KBTBD12: variants seen among roughly 807,000 people sequenced by gnomAD.
The protein encoded by KBTBD12 is kelch repeat and BTB domain-containing protein 12.
A neutral mutation model predicts 58.7 loss-of-function variants in KBTBD12; 53 were observed. The observed-to-expected ratio is 0.90, with a 90% CI of 0.72 to 1.14. The LOEUF (loss-of-function observed/expected upper bound fraction) is 1.14. KBTBD12 is among the 50% of genes most tolerant of loss of function. The probability of loss-of-function intolerance (pLI) is 0.00; values close to 1 mark genes in which losing one functional copy is unlikely to be tolerated. For synonymous variants in KBTBD12, 236 were observed against 259.8 expected (o/e 0.91, Z 0.88); for missense variants, 704 against 751.3 (o/e 0.94, Z 0.74).
In KBTBD12 at chr3:127,936,098, G is replaced by A. The variant is rs535759325; in HGVS notation, c.1492+5815G>A. Among the ~76,000 whole-genome samples, 4 of 152,306 alleles carry A rather than the reference G, an allele frequency of 2.6e-5. No individual in the cohort carries two copies. The East Asian group carries it at 7.7e-4, about 29-fold the overall frequency. On this transcript the variant is annotated intron_variant, in intron 4 of 5. Transcript: ENST00000405109. ...ACCTGAGATGAGGCTGGGCATGGTG[G>A]CTCATGCCTGTAATCTCAGCACTTT...
intron 4 of KBTBD12, among the ~76,000 whole-genome samples, chr3:127,941,594 T>C (rs1939951132): frequency 6.6e-6 from 1 of 152,190 alleles, no homozygotes; most frequent in Non-Finnish European, 1.5e-5. Flanking sequence ...TTTTTATTAT[T>C]TTTATTTTTT....
At chr3:127,959,350 T>C (rs1940384575) in intron 4 of KBTBD12, among the ~76,000 whole-genome samples, 2 of 152,218 alleles carry the variant, frequency 1.3e-5, no homozygotes, top group Non-Finnish European at 2.9e-5. Flanking sequence ...CTCTAAGTCA[T>C]GTCAGGGAGC....
chr3:127,923,372 T>C lies in KBTBD12; in HGVS notation c.311T>C (p.Val104Ala). ...LEINNANVQT[V>A]AMAAYFMQME... ...ATCAATAATGCCAATGTACAGACTG[T>C]AGCTATGGCTGCCTATTTTATGCAG... Residue 104 changes from valine (V) to alanine (A), a missense_variant, in exon 2 of 6, where the codon GTA (valine) becomes GCA (alanine). Coordinates refer to ENST00000405109, the MANE Select transcript of KBTBD12 (RefSeq NM_207335.4). 2 of 1,613,794 alleles carry C rather than the reference T, an allele frequency of 1.2e-6. No individual in the cohort carries two copies. Among genetic ancestry groups the C allele is most frequent in the Middle Eastern group, 1.6e-4 (1 of 6,062 alleles).
intron 4 of KBTBD12, among the ~76,000 whole-genome samples, chr3:127,946,888 C>T (rs749400253): frequency 1.7e-4 from 26 of 152,098 alleles, no homozygotes; most frequent in Non-Finnish European, 2.5e-4. Context: ...TCCTGTCTTC[C>T]GTTGTATTCA....
rs372087496 is a variant in KBTBD12 at position 127,923,449 on chromosome 3, G to A, written c.388G>A (p.Ala130Thr). 12 of 1,611,578 alleles carry A rather than the reference G, an allele frequency of 7.4e-6. No individual in the cohort carries two copies. In the South Asian group the frequency reaches 7.7e-5, roughly 10 times the overall value. ...CQKYMMDHMD[A>T]SNCLGIYYFA... ...AAAATATATGATGGACCACATGGAT[G>A]CCTCCAACTGTTTAGGTATCTATTA... The change falls in exon 2 of 6, where the codon GCC (alanine) becomes ACC (threonine). Residue 130 changes from alanine (A) to threonine (T), a missense_variant. Coordinates refer to ENST00000405109, the MANE Select transcript of KBTBD12 (RefSeq NM_207335.4).
At chr3:127,955,001 CGTT>C (rs1311409798) in intron 4 of KBTBD12, among the ~76,000 whole-genome samples, 1 of 152,178 alleles carries the variant, frequency 6.6e-6, no homozygotes, top group Non-Finnish European at 1.5e-5. Context: ...AGGCACAAGA[CGTT>C]GTTTTACTCA....
At chr3:127,949,406 A>G (rs927223508) in intron 4 of KBTBD12, among the ~76,000 whole-genome samples, 1 of 152,228 alleles carries the variant, frequency 6.6e-6, no homozygotes, top group South Asian at 2.1e-4. Context: ...TTTGGAATTC[A>G]TAATTTATCT....
intron 4 of KBTBD12, among the ~76,000 whole-genome samples, chr3:127,954,903 G>A (rs1940288804): frequency 6.6e-6 from 1 of 152,132 alleles, no homozygotes; most frequent in Non-Finnish European, 1.5e-5. Flanking sequence ...CCATCTCCTT[G>A]TAGTGGTTTA....
chr3:127,979,079 T>C (rs1940833471), intron 5 of KBTBD12, among the ~76,000 whole-genome samples: 1 of 152,232 alleles, frequency 6.6e-6, no homozygotes, highest in South Asian at 2.1e-4. Context: ...GCGGCCTACC[T>C]AACTGGGTCA....
At chr3:127,968,456 T>G (rs1940621384) in intron 5 of KBTBD12, among the ~76,000 whole-genome samples, 1 of 152,208 alleles carries the variant, frequency 6.6e-6, no homozygotes, top group African/African-American at 2.4e-5. Flanking sequence ...GCAAAGACAT[T>G]GCAAGAAAAC....
chr3:127,915,268 A>G lies in KBTBD12; in HGVS notation c.-431A>G, dbSNP rs919132721. 7 of 152,160 alleles carry G rather than the reference A, an allele frequency of 4.6e-5. 1 individual carries two copies. In the East Asian group the frequency reaches 1.4e-3, roughly 29 times the overall value. 9.4% of individuals were successfully genotyped at this position (152,160 alleles called of 1,614,324 possible). On this transcript the variant is annotated 5_prime_UTR_variant, in exon 1 of 6. Coordinates refer to ENST00000405109, the MANE Select transcript of KBTBD12 (RefSeq NM_207335.4). The stretch of plus-strand genomic sequence containing the variant: ...GGACGCGCGCGGGGAGACCCTGTGC[A>G]GCGACACCGGGGCTGTAGTCGCCGT...
intron 4 of KBTBD12, among the ~76,000 whole-genome samples, chr3:127,956,011 G>A (rs1477337104): frequency 2.0e-5 from 3 of 152,192 alleles, no homozygotes; most frequent in African/African-American, 7.2e-5. Flanking sequence ...GATGAACAAG[G>A]AAAGAAATGC....
intron 5 of KBTBD12, among the ~76,000 whole-genome samples, chr3:127,983,820 C>T (rs1016188169): frequency 6.6e-6 from 1 of 152,120 alleles, no homozygotes; most frequent in Non-Finnish European, 1.5e-5. Flanking sequence ...GACCTCTTTG[C>T]AAATGCCCAC....
At chr3:127,945,958 C>T (rs1940072687) in intron 4 of KBTBD12, among the ~76,000 whole-genome samples, 1 of 152,088 alleles carries the variant, frequency 6.6e-6, no homozygotes, top group East Asian at 1.9e-4. Context: ...GGATTACAGG[C>T]GTGAGCCACC....
chr3:127,945,164 CTTTTTTTTTTTTTTTTTTTTTTT>C (rs56216317), intron 4 of KBTBD12, among the ~76,000 whole-genome samples: 1 of 28,780 alleles, frequency 3.5e-5, no homozygotes, highest in African/African-American at 1.2e-4. Context: ...TAGTAGCTAT[CTTTTTTTTTTTTTTTTTTTTTTT>C]TTTTTTTTTT....
At chr3:127,920,830 T>C (rs188170086) in intron 1 of KBTBD12, among the ~76,000 whole-genome samples, 1 of 152,194 alleles carries the variant, frequency 6.6e-6, no homozygotes, top group African/African-American at 2.4e-5. Context: ...ACTCCATTTT[T>C]CTCTATTACT....
At chr3:127,930,017 C>A in intron 3 of KBTBD12, 116 bp from the exon 4 acceptor site, 1 of 837,124 alleles carries the variant, frequency 1.2e-6, no homozygotes, top group South Asian at 1.7e-5. Context: ...GAGTATGAGT[C>A]ACTGCAGTTA....
Position 127,987,482 on chromosome 3 carries a change from G to A in KBTBD12, c.*3204G>A, listed in dbSNP as rs900479079. 5 of 152,186 alleles carry A rather than the reference G, an allele frequency of 3.3e-5. No homozygotes were observed. Among genetic ancestry groups the A allele is most frequent in the Non-Finnish European group, 7.3e-5 (5 of 68,054 alleles). 9.4% of individuals were successfully genotyped at this position (152,186 alleles called of 1,614,324 possible). On this transcript the variant is annotated 3_prime_UTR_variant, in exon 6 of 6. Transcript: ENST00000405109. The stretch of plus-strand genomic sequence containing the variant: ...CTGCTAATTCTTATCTTTGTGACAG[G>A]ATTGTTTGACACTGAGCAAGGAAAC...
At chr3:127,939,479 A>C (rs1467481178) in intron 4 of KBTBD12, among the ~76,000 whole-genome samples, 11 of 152,186 alleles carry the variant, frequency 7.2e-5, no homozygotes, top group Non-Finnish European at 1.0e-4. Context: ...ACAAAGCATG[A>C]AAGAGGGAGG....
Sources: allele counts gnomAD v4.1 joint callset (sites outside exome capture counted in the v4.1 genomes callset), GRCh38; gene constraint gnomAD v4.1.1; transcripts MANE v1.5; gene names NCBI Gene and HGNC (gene_info 2026-07-23, HGNC 2026-07-21).